CACNB2: variants seen among roughly 807,000 people sequenced by gnomAD.
CACNB2 encodes calcium voltage-gated channel auxiliary subunit beta 2.
Under a neutral mutation model 73.3 loss-of-function variants are expected in CACNB2, and 42 were observed. That is an observed-to-expected ratio of 0.57 (90% CI 0.45 to 0.74). CACNB2 has a LOEUF of 0.74. CACNB2 is among the 30% of genes least tolerant of loss of function. The pLI is 0.00. For synonymous variants in CACNB2, 348 were observed against 310.3 expected, an observed-to-expected ratio of 1.12 and a Z score of -1.28; for missense variants, 940 against 853.0, an observed-to-expected ratio of 1.10 and a Z score of -1.27.
At chr10:18,494,694 A>ATT (rs1164064866) in intron 3 of CACNB2, among the ~76,000 whole-genome samples, 2 of 147,856 alleles carry the variant, frequency 1.4e-5, no homozygotes, top group Admixed American at 1.4e-4. Flanking sequence ...CCATGCTACA[A>ATT]TTTTTTTTTT....
At chr10:18,180,943 G>A (rs1290462395) in intron 2 of CACNB2, among the ~76,000 whole-genome samples, 1 of 151,560 alleles carries the variant, frequency 6.6e-6, no homozygotes, top group East Asian at 1.9e-4. Flanking sequence ...TCCAGCCTGG[G>A]CAACAGAGCG....
chr10:18,453,233 T>C (rs1328790080), intron 3 of CACNB2, among the ~76,000 whole-genome samples: 1 of 152,198 alleles, frequency 6.6e-6, no homozygotes, highest in Admixed American at 6.5e-5. Context: ...AACACTTAAA[T>C]TGGATCCTGT....
chr10:18,148,521 T>A (rs2031214635), intron 1 of CACNB2, among the ~76,000 whole-genome samples: 1 of 152,222 alleles, frequency 6.6e-6, no homozygotes, highest in South Asian at 2.1e-4. Context: ...AACAGCCACC[T>A]CCTCTGTGAC....
intron 13 of CACNB2, 152 bp downstream of exon 13, chr10:18,538,517 A>G (rs2053831690): frequency 3.0e-6 from 2 of 669,310 alleles, no homozygotes; most frequent in Non-Finnish European, 5.2e-6. Context: ...CTGTGTATGT[A>G]CCTGTAAGAA....
At chr10:18,503,098 T>C (rs1444784758) in intron 5 of CACNB2, among the ~76,000 whole-genome samples, 1 of 152,208 alleles carries the variant, frequency 6.6e-6, no homozygotes, top group African/African-American at 2.4e-5. Flanking sequence ...TATTTTGATA[T>C]GCAATATTAA....
At chr10:18,306,615 T>A (rs147824878) in intron 2 of CACNB2, among the ~76,000 whole-genome samples, 18 of 152,284 alleles carry the variant, frequency 1.2e-4, no homozygotes, top group African/African-American at 4.1e-4. Flanking sequence ...TAAAGTGTTA[T>A]GTATGGACAT....
chr10:18,170,662 G>T (rs897707619), intron 2 of CACNB2, among the ~76,000 whole-genome samples: 3 of 152,208 alleles, frequency 2.0e-5, no homozygotes, highest in African/African-American at 7.2e-5. Context: ...AAAAACCCTT[G>T]TGAGGACAAG....
chr10:18,207,190 G>A (rs529898791), intron 2 of CACNB2, among the ~76,000 whole-genome samples: 10 of 152,062 alleles, frequency 6.6e-5, no homozygotes, highest in Admixed American at 3.3e-4. Flanking sequence ...TGTAGTTTTG[G>A]TAGAGACAGG....
chr10:18,290,979 T>G (rs1396995184), intron 2 of CACNB2, among the ~76,000 whole-genome samples: 1 of 152,246 alleles, frequency 6.6e-6, no homozygotes, highest in Non-Finnish European at 1.5e-5. Flanking sequence ...TTTGGTCCCC[T>G]TTGGGGCTTC....
intron 2 of CACNB2, among the ~76,000 whole-genome samples, chr10:18,178,237 T>A (rs140165315): frequency 5.9e-5 from 9 of 152,286 alleles, no homozygotes; most frequent in African/African-American, 2.2e-4. Context: ...ACCGTTGAAA[T>A]GAGCCTTTTC....
In CACNB2 at chr10:18,539,238, A is replaced by G; in HGVS notation, c.1497A>G (p.Gln499=). ...PTLASNSQGS[Q]GDQRTDRSAP... is the part of the protein sequence containing the mutation. ...GCTCCTTTCGCTGCCAGGGTTCTCA[A>G]GGTGATCAGAGGACTGATCGCTCCG... The change falls in exon 14 of 14, where the codon CAA becomes CAG. Residue 499 remains glutamine, a synonymous_variant. Coordinates refer to ENST00000324631, the MANE Select transcript of CACNB2 (RefSeq NM_201596.3). The G allele has an allele frequency of 4.3e-6, 7 of 1,614,034 alleles. No homozygotes were observed. The highest frequency in any genetic ancestry group is 5.9e-6 in the Non-Finnish European group (7 of 1,180,002).
intron 3 of CACNB2, among the ~76,000 whole-genome samples, chr10:18,482,224 A>G (rs1321541865): frequency 6.6e-6 from 1 of 152,198 alleles, no homozygotes; most frequent in Non-Finnish European, 1.5e-5. Context: ...ACTGAGATAT[A>G]TTTAAGCAAC....
At chr10:18,196,440 C>T (rs911109279) in intron 2 of CACNB2, among the ~76,000 whole-genome samples, 2 of 151,960 alleles carry the variant, frequency 1.3e-5, no homozygotes, top group African/African-American at 4.8e-5. Flanking sequence ...CCTCAGCCTC[C>T]CGAGTAGCTG....
At chr10:18,214,884 G>A (rs114512318) in intron 2 of CACNB2, among the ~76,000 whole-genome samples, 2,068 of 152,306 alleles carry the variant, frequency 0.014, 44 homozygotes, top group African/African-American at 0.048. Flanking sequence ...CTGGCTGAAT[G>A]TCCCTGTGTC....
intron 1 of CACNB2, among the ~76,000 whole-genome samples, chr10:18,146,635 G>A (rs919547939): frequency 2.0e-5 from 3 of 151,978 alleles, no homozygotes; most frequent in Admixed American, 6.6e-5. Context: ...CCGCCACCAC[G>A]CCTGGCGAAT....
intron 2 of CACNB2, among the ~76,000 whole-genome samples, chr10:18,202,326 A>G (rs1476873193): frequency 4.6e-5 from 7 of 152,174 alleles, no homozygotes; most frequent in African/African-American, 7.2e-5. Context: ...CCTCGGTTAC[A>G]CAGATCGAAT....
chr10:18,460,474 AT>A (rs1418723741), intron 3 of CACNB2, among the ~76,000 whole-genome samples: 1 of 151,340 alleles, frequency 6.6e-6, no homozygotes, highest in African/African-American at 2.4e-5. Context: ...AATTATTTCT[AT>A]TTTTTCCTGT....
intron 2 of CACNB2, among the ~76,000 whole-genome samples, chr10:18,312,926 G>C (rs2040016280): frequency 6.6e-6 from 1 of 152,092 alleles, no homozygotes; most frequent in Admixed American, 6.5e-5. Flanking sequence ...AAGAGCAAGT[G>C]ACTGCTGACC....
chr10:18,305,961 C>G (rs1174503311), intron 2 of CACNB2, among the ~76,000 whole-genome samples: 1 of 151,994 alleles, frequency 6.6e-6, no homozygotes, highest in African/African-American at 2.4e-5. Context: ...GACCGAGACC[C>G]CATCTCTAAA....
Sources: gnomAD v4.1 joint callset for allele counts (sites outside exome capture counted in the v4.1 genomes callset) on GRCh38, gnomAD v4.1.1 for gene constraint, MANE v1.5 for transcripts, NCBI Gene and HGNC (gene_info 2026-07-23, HGNC 2026-07-21) for gene names.